LGALS3: variants seen among roughly 807,000 people sequenced by gnomAD.
The protein encoded by LGALS3 is galectin-3.
LGALS3 carries 18 observed loss-of-function variants against 20.7 expected under a neutral mutation model. That is an observed-to-expected ratio of 0.87 (90% CI 0.60 to 1.29). LGALS3 has a LOEUF of 1.29. LGALS3 is among the 50% of genes most tolerant of loss of function. The probability of loss-of-function intolerance (pLI) is 0.00; values close to 1 mark genes in which losing one functional copy is unlikely to be tolerated. For missense variants in LGALS3, 315 were observed against 314.7 expected (o/e 1.00, Z -0.01); for synonymous variants, 112 against 119.6 (o/e 0.94, Z 0.42).
chr14:55,144,856 G>A (rs137866364), intron 5 of LGALS3, among the ~76,000 whole-genome samples: 83 of 152,298 alleles, frequency 5.4e-4, no homozygotes, highest in Non-Finnish European at 9.7e-4. Flanking sequence ...GAGCCACCCC[G>A]CCCAGCATAA....
At chr14:55,141,946 C>T (rs1026525948) in intron 4 of LGALS3, among the ~76,000 whole-genome samples, 1 of 152,188 alleles carries the variant, frequency 6.6e-6, no homozygotes, top group Non-Finnish European at 1.5e-5. Flanking sequence ...GCATTAACCT[C>T]CAGGGAGAAG....
chr14:55,135,653 C>G (rs1881371556), intron 1 of LGALS3, among the ~76,000 whole-genome samples: 3 of 149,518 alleles, frequency 2.0e-5, no homozygotes. Context: ...CAGCCTTGAC[C>G]TCCTAGGCTC....
At position 55,140,255 on chromosome 14, in the gene LGALS3, A is replaced by G; in HGVS notation, c.343-20A>G. On this transcript the variant is annotated intron_variant, in intron 3 of 5. Coordinates refer to ENST00000254301, the MANE Select transcript of LGALS3 (RefSeq NM_002306.4). ...GAAACATGACTCCTTATTGACACAT[A>G]TGTACTTGTTAATTCCCAGATTGTG... is the stretch of plus-strand genomic sequence containing the variant. 1 of 1,523,832 alleles carries G rather than the reference A, an allele frequency of 6.6e-7. No homozygotes were observed. 94.4% of individuals were successfully genotyped at this position (1,523,832 alleles called of 1,614,324 possible).
rs757512457 is a variant in LGALS3, at chr14:55,142,668, T to G, written c.516T>G (p.Val172=). The change falls in exon 5 of 6, where the codon GTT becomes GTG. Residue 172 remains valine (V), a synonymous_variant. Transcript: ENST00000254301. The part of the protein sequence containing the change: ...RFNENNRRVI[V]CNTKLDNNWG... ...ATGAGAACAACAGGAGAGTCATTGT[T>G]TGCAATACAAAGCTGGATAATAACT... 6.2e-7 allele frequency: 1 copy of G among 1,613,600 alleles called. No individual in the cohort carries two copies. Among genetic ancestry groups the G allele is most frequent in the African/African-American group, 1.3e-5 (1 of 75,048 alleles).
At chr14:55,133,159 T>G (rs1881280342) in intron 1 of LGALS3, among the ~76,000 whole-genome samples, 1 of 152,110 alleles carries the variant, frequency 6.6e-6, no homozygotes, top group Non-Finnish European at 1.5e-5. Context: ...ATTAACACTT[T>G]CAAAGGACTG....
At position 55,129,892 on chromosome 14, in the gene LGALS3, C is replaced by T. The variant is rs949407090; in HGVS notation, c.-5+592C>T. Among the ~76,000 whole-genome samples the T allele has an allele frequency of 3.3e-5, 5 of 152,224 alleles. No homozygotes were observed. Among genetic ancestry groups the T allele is most frequent in the African/African-American group, 1.2e-4 (5 of 41,470 alleles). On this transcript the variant is annotated intron_variant, in intron 1 of 5. Transcript: ENST00000254301. The surrounding 1 kb of genome is among the most constrained non-coding windows in gnomAD (Gnocchi z 5.3). ...TGGCCCGGCCCCTTTTGAGCATCAGCTGAGGCTGGACTTGGAGGAGATCTC... is the reference window on the plus strand; with the variant it reads ...TGGCCCGGCCCCTTTTGAGCATCAGTTGAGGCTGGACTTGGAGGAGATCTC...
rs1370432577 is a variant in LGALS3 at position 55,138,219 on chromosome 14, G to A, written c.193G>A (p.Gly65Arg). The A allele has an allele frequency of 6.2e-7, 1 of 1,612,754 alleles. No individual in the cohort carries two copies. The highest frequency in any genetic ancestry group is 8.5e-7 in the Non-Finnish European group (1 of 1,179,450). The change falls in exon 3 of 6, where the codon GGA becomes AGA. Residue 65 changes from glycine (G) to arginine (R), a missense_variant. Physicochemically the swap from Gly to Arg is moderately radical, Grantham distance 125. Transcript: ENST00000254301. Reference sequence around the variant, plus strand: ...ACAGGCACCTCCAGGCGCCTACCCTGGAGCACCTGGAGCTTATCCCGGAGC... The same window carrying A: ...ACAGGCACCTCCAGGCGCCTACCCTAGAGCACCTGGAGCTTATCCCGGAGC... Reference protein sequence around the residue: ...PGQAPPGAYPGAPGAYPGAPA... With the variant: ...PGQAPPGAYPRAPGAYPGAPA...
rs977986674 is a variant in LGALS3 at position 55,129,828 on chromosome 14, A to G, written c.-5+528A>G. On this transcript the variant is annotated intron_variant, in intron 1 of 5. Transcript: ENST00000254301. This position sits in a 1 kb window ranked among gnomAD's most constrained non-coding sequence, Gnocchi z 5.3. Reference sequence around the variant, plus strand: ...CCGCGGGGGAGCGAAGGGACTTCCCAGGACTGCATAGGGCGCCTCCCGGGA... The same window carrying G: ...CCGCGGGGGAGCGAAGGGACTTCCCGGGACTGCATAGGGCGCCTCCCGGGA... 2.6e-5 allele frequency among the ~76,000 whole-genome samples: 4 copies of G among 152,192 alleles called. No homozygotes were observed. Among genetic ancestry groups the G allele is most frequent in the African/African-American group, 4.8e-5 (2 of 41,456 alleles).
At chr14:55,141,640 A>G (rs571773296) in intron 4 of LGALS3, among the ~76,000 whole-genome samples, 3 of 152,308 alleles carry the variant, frequency 2.0e-5, no homozygotes, top group Admixed American at 1.3e-4. Flanking sequence ...TGCAAATTCT[A>G]TATGACGAAC....
chr14:55,142,218 C>G (rs1307889179), intron 4 of LGALS3, among the ~76,000 whole-genome samples: 1 of 152,144 alleles, frequency 6.6e-6, no homozygotes. Flanking sequence ...AAAGAGATAA[C>G]CATTATCTAT....
chr14:55,140,277 T>C lies in LGALS3; in HGVS notation c.345T>C (p.Ile115=). 3 of 1,609,376 alleles carry C rather than the reference T, an allele frequency of 1.9e-6. No homozygotes were observed. The highest frequency in any genetic ancestry group is 2.6e-6 in the Non-Finnish European group (3 of 1,175,918). The change falls in exon 4 of 6, where the codon ATT becomes ATC. Residue 115 remains isoleucine (I), a splice_region_variant and synonymous_variant. Coordinates refer to ENST00000254301, the MANE Select transcript of LGALS3 (RefSeq NM_002306.4). ...GPYGAPAGPL[I]VPYNLPLPGG... ...CATATGTACTTGTTAATTCCCAGAT[T>C]GTGCCTTATAACCTGCCTTTGCCTG...
chr14:55,137,270 G>C (rs769937121), intron 1 of LGALS3, 100 bp from the exon 2 acceptor site: 44 of 1,133,042 alleles, frequency 3.9e-5, no homozygotes, highest in Non-Finnish European at 5.5e-5. Flanking sequence ...ATAATGCCTA[G>C]AGATGGATTA....
intron 1 of LGALS3, among the ~76,000 whole-genome samples, chr14:55,133,949 G>A (rs1292552389): frequency 6.6e-6 from 1 of 152,086 alleles, no homozygotes; most frequent in African/African-American, 2.4e-5. Context: ...TACCTTTTTG[G>A]TTTTTATTGA....
Position 55,138,190 on chromosome 14 carries a change from C to T in LGALS3, c.164C>T (p.Pro55Leu). The change falls in exon 3 of 6, where the codon CCT (proline) becomes CTT (leucine). Residue 55 changes from proline to leucine, a missense_variant. By Grantham distance (98) the Pro-to-Leu change is moderately conservative. Transcript: ENST00000254301. Reference sequence around the variant, plus strand: ...GGGCAGGCACCCCCAGGGGCTTATCCTGGACAGGCACCTCCAGGCGCCTAC... The same window carrying T: ...GGGCAGGCACCCCCAGGGGCTTATCTTGGACAGGCACCTCCAGGCGCCTAC... Reference protein sequence around the residue: ...YPGQAPPGAYPGQAPPGAYPG... With the variant: ...YPGQAPPGAYLGQAPPGAYPG... 1.2e-6 allele frequency: 2 copies of T among 1,612,514 alleles called. No homozygotes were observed. The highest frequency in any genetic ancestry group is 1.1e-5 in the South Asian group (1 of 91,024).
chr14:55,137,288 A>C, intron 1 of LGALS3, 82 bp from the exon 2 acceptor site: 1 of 1,287,866 alleles, frequency 7.8e-7, no homozygotes. Flanking sequence ...TTAGAACTGC[A>C]CAATGAACTA....
Position 55,145,300 on chromosome 14 carries a change from A to G in LGALS3, c.*29A>G. On this transcript the variant is annotated 3_prime_UTR_variant, in exon 6 of 6. Transcript: ENST00000254301. ...GAAAGGGGCAGATTAAAAAAAAAAA[A>G]AGAATCTAAACCTTACATGTGTAAA... is the stretch of plus-strand genomic sequence containing the variant. 2 of 1,606,734 alleles carry G rather than the reference A, an allele frequency of 1.2e-6. No homozygotes were observed. The highest frequency in any genetic ancestry group is 8.5e-7 in the Non-Finnish European group (1 of 1,176,416).
chr14:55,132,497 A>G (rs1388234160), intron 1 of LGALS3, among the ~76,000 whole-genome samples: 2 of 152,222 alleles, frequency 1.3e-5, no homozygotes, highest in Non-Finnish European at 2.9e-5. Context: ...TTATCTGAAT[A>G]GATGTCTTTT....
intron 5 of LGALS3, among the ~76,000 whole-genome samples, chr14:55,144,391 G>A (rs145418208): frequency 5.1e-4 from 77 of 152,268 alleles, no homozygotes; most frequent in African/African-American, 1.7e-3. Flanking sequence ...AGATCCGCCC[G>A]CCTTTGCCTC....
chr14:55,140,806 T>C (rs930545114), intron 4 of LGALS3, among the ~76,000 whole-genome samples: 2 of 152,182 alleles, frequency 1.3e-5, no homozygotes, highest in Non-Finnish European at 2.9e-5. Context: ...AACTTCATCA[T>C]TATAAATCAA....
Sources: allele counts gnomAD v4.1 joint callset (sites outside exome capture counted in the v4.1 genomes callset), GRCh38; gene constraint gnomAD v4.1.1; non-coding constraint Gnocchi (gnomAD v3.1); transcripts MANE v1.5; gene names NCBI Gene and HGNC (gene_info 2026-07-23, HGNC 2026-07-21).